Variants in PHACTR3 observed in about 807,000 individuals in gnomAD.
PHACTR3 encodes the protein protein phosphatase 1, regulatory subunit 123.
Under a neutral mutation model 66.8 loss-of-function variants are expected in PHACTR3, and 16 were observed. That is an observed-to-expected ratio of 0.24 (90% CI 0.16 to 0.36). The LOEUF is 0.36. PHACTR3 is among the 10% of genes least tolerant of loss of function. The pLI is 1.00. For synonymous variants in PHACTR3, 323 were observed against 292.1 expected (o/e 1.11, Z -1.08); for missense variants, 647 against 719.9 (o/e 0.90, Z 1.16).
intron 7 of PHACTR3, among the ~76,000 whole-genome samples, chr20:59,797,603 A>G (rs933398665): frequency 3.9e-5 from 6 of 152,288 alleles, no homozygotes; most frequent in African/African-American, 1.4e-4. Flanking sequence ...GCTGTAATCA[A>G]TGTCAGCAAT....
chr20:59,678,966 G>C (rs1023637568), intron 1 of PHACTR3, among the ~76,000 whole-genome samples: 7 of 146,166 alleles, frequency 4.8e-5, no homozygotes, highest in Non-Finnish European at 7.4e-5. Context: ...TGGGTGGGGT[G>C]GGGGGGCAAG....
intron 7 of PHACTR3, among the ~76,000 whole-genome samples, chr20:59,776,112 T>G (rs1421831020): frequency 6.6e-6 from 1 of 152,206 alleles, no homozygotes; most frequent in East Asian, 1.9e-4. Context: ...ACACAATGCT[T>G]TCATTGGTGA....
intron 2 of PHACTR3, among the ~76,000 whole-genome samples, chr20:59,746,435 C>T (rs1256409402): frequency 6.6e-6 from 1 of 152,228 alleles, no homozygotes; most frequent in Admixed American, 6.5e-5. Context: ...GCCTGGCACA[C>T]AGTAGGTGCT....
At chr20:59,583,448 A>G (rs2032917943) in intron 1 of PHACTR3, among the ~76,000 whole-genome samples, 1 of 152,174 alleles carries the variant, frequency 6.6e-6, no homozygotes, top group Non-Finnish European at 1.5e-5. Flanking sequence ...ACGATTGACA[A>G]TTGGCTGTAC....
At chr20:59,641,903 G>A (rs2035114949) in intron 1 of PHACTR3, among the ~76,000 whole-genome samples, 1 of 152,100 alleles carries the variant, frequency 6.6e-6, no homozygotes, top group Admixed American at 6.6e-5. Context: ...TCTTCTATTA[G>A]TCTGTTTAAA....
Position 59,783,333 on chromosome 20 carries a change from C to T in PHACTR3, c.1174+8843C>T, listed in dbSNP as rs564093460. On this transcript the variant is annotated intron_variant, in intron 7 of 12. Transcript: ENST00000371015. The stretch of plus-strand genomic sequence containing the variant: ...CGTCTTGCAGCGGAGGCAGGTCTGG[C>T]CCAGGGTGGTTCTGGCTGAGCACCA... 4.6e-5 allele frequency among the ~76,000 whole-genome samples: 7 copies of T among 152,276 alleles called. No homozygotes were observed. The South Asian group carries it at 1.2e-3, about 27-fold the overall frequency.
chr20:59,779,937 T>C (rs1319401131), intron 7 of PHACTR3, among the ~76,000 whole-genome samples: 1 of 152,194 alleles, frequency 6.6e-6, no homozygotes, highest in Non-Finnish European at 1.5e-5. Flanking sequence ...TGCCCCAAGA[T>C]TTAAGTTTTA....
upstream of PHACTR3, among the ~76,000 whole-genome samples, chr20:59,599,777 G>A (rs751575846): frequency 5.3e-5 from 8 of 152,138 alleles, no homozygotes; most frequent in Non-Finnish European, 1.2e-4. Flanking sequence ...AAACCTGTGG[G>A]AGCCACCTTC....
chr20:59,585,910 C>T (rs577072889), intron 1 of PHACTR3, among the ~76,000 whole-genome samples: 67 of 152,376 alleles, frequency 4.4e-4, no homozygotes, highest in African/African-American at 1.5e-3. Context: ...CATGTGGCCT[C>T]TTTGCGTGAG....
chr20:59,700,812 CAG>C (rs752634002), intron 1 of PHACTR3, among the ~76,000 whole-genome samples: 5 of 152,150 alleles, frequency 3.3e-5, no homozygotes, highest in South Asian at 4.1e-4. Context: ...TGTTTTGAGA[CAG>C]GGGCTTGCTC....
At chr20:59,623,160 A>C (rs1290798185) in intron 1 of PHACTR3, among the ~76,000 whole-genome samples, 1 of 151,904 alleles carries the variant, frequency 6.6e-6, no homozygotes, top group Admixed American at 6.6e-5. Flanking sequence ...CAGGCTTTTT[A>C]AAACTGGAAA....
At chr20:59,639,582 T>C (rs911149) in intron 1 of PHACTR3, among the ~76,000 whole-genome samples, 120,858 of 152,178 alleles carry the variant, frequency 0.79, 48,192 homozygotes, top group East Asian at 0.91. Context: ...TGAGGAGTGT[T>C]TTGGGAGGCA....
At chr20:59,690,198 A>T (rs2037060534) in intron 1 of PHACTR3, among the ~76,000 whole-genome samples, 1 of 152,180 alleles carries the variant, frequency 6.6e-6, no homozygotes, top group Non-Finnish European at 1.5e-5. Context: ...ACCTGAGCAG[A>T]TGGTCTGAGC....
At chr20:59,702,222 T>C (rs951418731) in intron 1 of PHACTR3, among the ~76,000 whole-genome samples, 2 of 152,160 alleles carry the variant, frequency 1.3e-5, no homozygotes, top group Non-Finnish European at 2.9e-5. Flanking sequence ...GTCATTCAGA[T>C]GTGCTCCTGA....
chr20:59,744,523 T>C (rs2039296451), intron 2 of PHACTR3, among the ~76,000 whole-genome samples: 2 of 152,186 alleles, frequency 1.3e-5, no homozygotes, highest in African/African-American at 4.8e-5. Context: ...TCCCATTTCC[T>C]TTCCAGCTCT....
At chr20:59,627,730 C>T (rs1347014391) in intron 1 of PHACTR3, among the ~76,000 whole-genome samples, 2 of 152,146 alleles carry the variant, frequency 1.3e-5, no homozygotes, top group Non-Finnish European at 2.9e-5. Flanking sequence ...GTCTGTGTAT[C>T]TATGTATGTA....
chr20:59,802,471 G>A (rs539504554), intron 7 of PHACTR3, among the ~76,000 whole-genome samples: 6 of 152,310 alleles, frequency 3.9e-5, no homozygotes, highest in South Asian at 4.1e-4. Context: ...GGGAGTGACC[G>A]ATGGTGTCCA....
In PHACTR3 at chr20:59,670,936, G is replaced by T. The variant is rs76980787; in HGVS notation, c.118+65804G>T. 9.2e-5 allele frequency among the ~76,000 whole-genome samples: 14 copies of T among 152,172 alleles called. No homozygotes were observed. The East Asian group carries it at 2.7e-3, about 29-fold the overall frequency. On this transcript the variant is annotated intron_variant, in intron 1 of 12. Transcript: ENST00000371015. ...CTTGCCACTTCTCCTCTGCAATCTC[G>T]TACTTTCTGCTCCCAGACCAAGGGC...
chr20:59,672,711 T>C (rs553209230), intron 1 of PHACTR3, among the ~76,000 whole-genome samples: 72 of 152,344 alleles, frequency 4.7e-4, no homozygotes, highest in African/African-American at 1.7e-3. Flanking sequence ...GACACCACTG[T>C]GTGCCCGACA....
Sources: allele counts gnomAD v4.1 joint callset (sites outside exome capture counted in the v4.1 genomes callset), GRCh38; gene constraint gnomAD v4.1.1; transcripts MANE v1.5; gene names NCBI Gene and HGNC (gene_info 2026-07-23, HGNC 2026-07-21).